The following SGCZ variants were observed in gnomAD, a reference collection of about 807,000 sequenced individuals.
SGCZ encodes the protein sarcoglycan zeta.
A neutral mutation model predicts 41.3 loss-of-function variants in SGCZ; 40 were observed. The ratio of observed to expected loss-of-function variants is 0.97; its 90% CI spans 0.75 to 1.26. The LOEUF (loss-of-function observed/expected upper bound fraction) is 1.26, where lower values mean the gene tolerates loss of function less well. Among genes scored for constraint, SGCZ ranks in the 50% most tolerant of loss-of-function variants. The probability of loss-of-function intolerance (pLI) is 0.00; values close to 1 mark genes in which losing one functional copy is unlikely to be tolerated. For synonymous variants in SGCZ, 206 were observed against 137.5 expected (o/e 1.50, Z -3.49); for missense variants, 552 against 369.8 (o/e 1.49, Z -4.04).
At chr8:14,396,067 G>C (rs1048589973) in intron 2 of SGCZ, among the ~76,000 whole-genome samples, 5 of 152,038 alleles carry the variant, frequency 3.3e-5, no homozygotes, top group East Asian at 1.9e-4. Flanking sequence ...TAAGACCAAG[G>C]TATGGGTACC....
In SGCZ at chr8:14,554,910, T is replaced by C; in HGVS notation, c.56A>G (p.Tyr19Cys). 6.2e-7 allele frequency: 1 copy of C among 1,606,042 alleles called. No homozygotes were observed. Among genetic ancestry groups the C allele is most frequent in the Non-Finnish European group, 8.5e-7 (1 of 1,174,816 alleles). The change falls in exon 2 of 8, where the codon TAC becomes TGC. Residue 19 changes from tyrosine (Y) to cysteine (C), a missense_variant. Tyr to Cys is a radical substitution (Grantham distance 194). Transcript: ENST00000382080. ...GTTATTCTGTTGGGTTGCTAGTATG[T>C]ATTGTTCTCGTGTCATCTGAAAAAG... ...IEELKMTREQ[Y>C]ILATQQNNLP...
chr8:14,197,276 A>C (rs1191557504), intron 4 of SGCZ, among the ~76,000 whole-genome samples: 1 of 152,140 alleles, frequency 6.6e-6, no homozygotes, highest in African/African-American at 2.4e-5. Flanking sequence ...AATGAAGGGA[A>C]CACTTCACAA....
At chr8:14,622,641 T>A (rs1338385298) in intron 1 of SGCZ, among the ~76,000 whole-genome samples, 1 of 152,172 alleles carries the variant, frequency 6.6e-6, no homozygotes, top group Non-Finnish European at 1.5e-5. Flanking sequence ...AAAAAGTGAT[T>A]AGAAAATAAT....
At chr8:15,059,565 A>G (rs114972721) in intron 1 of SGCZ, among the ~76,000 whole-genome samples, 2,400 of 152,294 alleles carry the variant, frequency 0.016, 50 homozygotes, top group African/African-American at 0.053. Context: ...TAATATTGCA[A>G]AGTTATAAGA....
At chr8:14,524,257 C>T (rs555930414) in intron 2 of SGCZ, among the ~76,000 whole-genome samples, 52 of 151,300 alleles carry the variant, frequency 3.4e-4, no homozygotes, top group African/African-American at 1.1e-3. Flanking sequence ...AGCAAGAGAA[C>T]GGGTATGTGC....
intron 3 of SGCZ, among the ~76,000 whole-genome samples, chr8:14,307,233 T>C (rs897733755): frequency 2.0e-5 from 3 of 152,166 alleles, no homozygotes; most frequent in African/African-American, 4.8e-5. Flanking sequence ...TTTCCAGTCA[T>C]TCAAATTTCA....
At chr8:15,214,558 G>A (rs1801338465) in intron 1 of SGCZ, among the ~76,000 whole-genome samples, 1 of 152,022 alleles carries the variant, frequency 6.6e-6, no homozygotes, top group South Asian at 2.1e-4. Context: ...CCTCTGCACT[G>A]TTTCTAATTG....
At chr8:14,797,523 T>A (rs953057580) in intron 1 of SGCZ, among the ~76,000 whole-genome samples, 6 of 152,134 alleles carry the variant, frequency 3.9e-5, no homozygotes, top group African/African-American at 1.4e-4. Flanking sequence ...TTCAAGAGGA[T>A]GGCTAGCATA....
chr8:14,156,276 A>G (rs912514504), intron 5 of SGCZ, among the ~76,000 whole-genome samples: 11 of 152,036 alleles, frequency 7.2e-5, no homozygotes, highest in African/African-American at 2.7e-4. Context: ...TGGCTAACAC[A>G]GTGAAATCCT....
intron 3 of SGCZ, among the ~76,000 whole-genome samples, chr8:14,296,714 A>G (rs1313604829): frequency 6.6e-6 from 1 of 152,130 alleles, no homozygotes; most frequent in Non-Finnish European, 1.5e-5. Context: ...ATATAGCCAA[A>G]AACCTAAAAG....
At position 14,102,232 on chromosome 8, in the gene SGCZ, C is replaced by T. The variant is rs555460944; in HGVS notation, c.744+144G>A. The T allele has an allele frequency of 1.4e-4, 127 of 927,770 alleles. No individual in the cohort carries two copies. The Middle Eastern group carries it at 1.6e-3, about 12-fold the overall frequency. 57.5% of individuals were successfully genotyped at this position (927,770 alleles called of 1,614,324 possible). A position where few individuals can be genotyped will look rare whatever the true frequency, so the allele number is the denominator to read the frequency against. On this transcript the variant is annotated intron_variant, in intron 7 of 7. Transcript: ENST00000382080. Reference sequence around the variant, plus strand: ...CTTCTTGAATATGAGATATGGTAACCTAATATTACTTTCCTAAGTTACAAC... The same window carrying T: ...CTTCTTGAATATGAGATATGGTAACTTAATATTACTTTCCTAAGTTACAAC...
At chr8:14,622,685 G>C (rs1806325710) in intron 1 of SGCZ, among the ~76,000 whole-genome samples, 1 of 152,092 alleles carries the variant, frequency 6.6e-6, no homozygotes, top group South Asian at 2.1e-4. Flanking sequence ...AAGTGCCTTG[G>C]GTGACACATT....
chr8:15,138,108 G>A lies in SGCZ; in HGVS notation c.39+99477C>T, dbSNP rs1011546922. Among the ~76,000 whole-genome samples the A allele has an allele frequency of 2.5e-4, 38 of 152,174 alleles. 1 individual carries two copies. The highest frequency in any genetic ancestry group is 8.9e-4 in the African/African-American group (37 of 41,452). ...GGCTGTGAGACACGGAATCAAAGGA[G>A]ATCATTTTGGAACTTTAAGGTTTAA... is the stretch of plus-strand genomic sequence containing the variant. On this transcript the variant is annotated intron_variant, in intron 1 of 7. Transcript: ENST00000382080.
chr8:14,361,198 C>T (rs1252035007), intron 2 of SGCZ, among the ~76,000 whole-genome samples: 1 of 152,064 alleles, frequency 6.6e-6, no homozygotes, highest in African/African-American at 2.4e-5. Flanking sequence ...TTTTATCAAA[C>T]ATGTGGTTTG....
At chr8:14,976,015 T>TATATAC (rs1247984742) in intron 1 of SGCZ, among the ~76,000 whole-genome samples, 6 of 142,204 alleles carry the variant, frequency 4.2e-5, no homozygotes, top group East Asian at 2.1e-4. Context: ...TATATATATA[T>TATATAC]ACACATATAT....
chr8:14,629,021 G>A (rs1806555815), intron 1 of SGCZ, among the ~76,000 whole-genome samples: 1 of 152,090 alleles, frequency 6.6e-6, no homozygotes, highest in Non-Finnish European at 1.5e-5. Context: ...AACCAGCTGT[G>A]TTTAATTTCC....
chr8:15,191,901 G>T (rs1800552798), intron 1 of SGCZ, among the ~76,000 whole-genome samples: 1 of 151,902 alleles, frequency 6.6e-6, no homozygotes. Context: ...CACGCTTAAG[G>T]GCTCAGATTG....
At chr8:14,553,476 T>C (rs1320338338) in intron 2 of SGCZ, among the ~76,000 whole-genome samples, 2 of 152,082 alleles carry the variant, frequency 1.3e-5, no homozygotes, top group Non-Finnish European at 2.9e-5. Context: ...TTCAGTTTCT[T>C]ATTTGATGAA....
At chr8:14,928,355 G>T (rs570906090) in intron 1 of SGCZ, among the ~76,000 whole-genome samples, 1 of 152,006 alleles carries the variant, frequency 6.6e-6, no homozygotes, top group Non-Finnish European at 1.5e-5. Context: ...CTGTGCTCAG[G>T]GAGAAAAGTG....
Sources: allele counts gnomAD v4.1 joint callset (sites outside exome capture counted in the v4.1 genomes callset), GRCh38; gene constraint gnomAD v4.1.1; transcripts MANE v1.5; gene names NCBI Gene and HGNC (gene_info 2026-07-23, HGNC 2026-07-21).